HS6ST3: variants seen among roughly 807,000 people sequenced by gnomAD.
HS6ST3 encodes heparan sulfate 6-O-sulfotransferase 3.
In HS6ST3, 12 loss-of-function variants were observed where a neutral mutation model predicts 36.7. The observed-to-expected ratio is 0.33, with a 90% CI of 0.21 to 0.53. HS6ST3 has a LOEUF of 0.53. HS6ST3 is among the 20% of genes least tolerant of loss of function. HS6ST3 has a pLI of 0.95. For missense variants in HS6ST3, 584 were observed against 640.9 expected (o/e 0.91, Z 0.96); for synonymous variants, 240 against 257.5 (o/e 0.93, Z 0.65).
chr13:96,221,131 C>CT (rs1223984860), intron 1 of HS6ST3, among the ~76,000 whole-genome samples: 6 of 152,062 alleles, frequency 3.9e-5, no homozygotes, highest in South Asian at 2.1e-4. Flanking sequence ...AGAAAACCTT[C>CT]TTTTTTTAAC....
At position 96,091,254 on chromosome 13, in the gene HS6ST3, T is replaced by C; in HGVS notation, c.392T>C (p.Leu131Pro). ...PRFVPRFNFS[L>P]KDLTRFVDFN... ...TTCGTGCCGCGCTTCAACTTCAGCC[T>C]GAAGGACCTGACCCGCTTCGTGGAT... Residue 131 changes from leucine to proline, a missense_variant, in exon 1 of 2, where the codon CTG becomes CCG. By Grantham distance (98) the Leu-to-Pro change is moderately conservative. Transcript: ENST00000376705. 6.2e-7 allele frequency: 1 copy of C among 1,607,170 alleles called. No individual in the cohort carries two copies. Among genetic ancestry groups the C allele is most frequent in the Non-Finnish European group, 8.5e-7 (1 of 1,176,798 alleles).
chr13:96,126,122 C>T (rs1048460049), intron 1 of HS6ST3, among the ~76,000 whole-genome samples: 1 of 152,178 alleles, frequency 6.6e-6, no homozygotes, highest in Non-Finnish European at 1.5e-5. Flanking sequence ...AATTATACTT[C>T]TCCCAGACCT....
chr13:96,130,000 C>T (rs900182341), intron 1 of HS6ST3, among the ~76,000 whole-genome samples: 2 of 152,098 alleles, frequency 1.3e-5, no homozygotes, highest in South Asian at 4.1e-4. Context: ...AATTAGCAAA[C>T]TAGTGTAGTG....
At chr13:96,353,217 A>G (rs2139431908) in intron 1 of HS6ST3, among the ~76,000 whole-genome samples, 1 of 151,752 alleles carries the variant, frequency 6.6e-6, no homozygotes, top group South Asian at 2.1e-4. Context: ...TATTTTTAGT[A>G]CAGACAGAGT....
intron 1 of HS6ST3, among the ~76,000 whole-genome samples, chr13:96,204,297 A>C (rs2054358562): frequency 6.6e-6 from 1 of 152,188 alleles, no homozygotes; most frequent in Non-Finnish European, 1.5e-5. Context: ...AAATAAGAAG[A>C]GCTAACTATC....
intron 1 of HS6ST3, among the ~76,000 whole-genome samples, chr13:96,419,697 G>A (rs1454854915): frequency 1.3e-5 from 2 of 152,156 alleles, no homozygotes. Context: ...GTAGTGAGAA[G>A]CTTTCCTTTA....
intron 1 of HS6ST3, among the ~76,000 whole-genome samples, chr13:96,517,204 C>A (rs2056076006): frequency 8.7e-6 from 1 of 114,628 alleles, no homozygotes; most frequent in Non-Finnish European, 1.9e-5. Flanking sequence ...CATAGGGAGA[C>A]CCCTGTTCCT....
intron 1 of HS6ST3, among the ~76,000 whole-genome samples, chr13:96,481,174 A>T (rs2138898001): frequency 6.6e-6 from 1 of 152,314 alleles, no homozygotes; most frequent in Admixed American, 6.5e-5. Context: ...TGCCCCAGAC[A>T]CCAATTAAGT....
chr13:96,464,043 T>A (rs9556602), intron 1 of HS6ST3, among the ~76,000 whole-genome samples: 27 of 100,156 alleles, frequency 2.7e-4, no homozygotes, highest in East Asian at 1.9e-3. Context: ...TTTTTTTTTT[T>A]AAATAAACAC....
intron 1 of HS6ST3, among the ~76,000 whole-genome samples, chr13:96,617,212 A>C (rs1461971557): frequency 3.9e-5 from 6 of 152,222 alleles, no homozygotes; most frequent in Non-Finnish European, 7.3e-5. Flanking sequence ...AAATACATTT[A>C]AATACCTTGA....
At chr13:96,507,680 A>G (rs928553750) in intron 1 of HS6ST3, among the ~76,000 whole-genome samples, 1 of 152,072 alleles carries the variant, frequency 6.6e-6, no homozygotes, top group Non-Finnish European at 1.5e-5. Context: ...TAACATTATT[A>G]TCTCTCTAAA....
At chr13:96,297,278 T>G (rs2054859749) in intron 1 of HS6ST3, among the ~76,000 whole-genome samples, 1 of 152,154 alleles carries the variant, frequency 6.6e-6, no homozygotes, top group South Asian at 2.1e-4. Flanking sequence ...TATCTACTAG[T>G]TTTCCACAAT....
chr13:96,300,047 CTTTTTTTTTTT>C (rs11350737), intron 1 of HS6ST3, among the ~76,000 whole-genome samples: 6 of 74,522 alleles, frequency 8.1e-5, no homozygotes, highest in Admixed American at 2.9e-4. Flanking sequence ...AAGTGCTACA[CTTTTTTTTTTT>C]TTTTTTTTTT....
At chr13:96,417,582 A>G (rs956702104) in intron 1 of HS6ST3, among the ~76,000 whole-genome samples, 2 of 105,786 alleles carry the variant, frequency 1.9e-5, no homozygotes, top group African/African-American at 7.4e-5. Context: ...AAAAAATAGC[A>G]TATATATATG....
chr13:96,154,902 G>A (rs981842887), intron 1 of HS6ST3, among the ~76,000 whole-genome samples: 6 of 152,040 alleles, frequency 3.9e-5, no homozygotes, highest in Non-Finnish European at 8.8e-5. Context: ...ATTTATACCT[G>A]TAGACTCCCA....
chr13:96,306,153 T>G lies in HS6ST3; in HGVS notation c.707+214584T>G, dbSNP rs374554757. Among the ~76,000 whole-genome samples, 108 of 148,400 alleles carry G rather than the reference T, an allele frequency of 7.3e-4. 2 individuals are homozygous for G. The highest frequency in any genetic ancestry group is 2.6e-3 in the African/African-American group (103 of 39,980). On this transcript the variant is annotated intron_variant, in intron 1 of 1. Transcript: ENST00000376705. ...AGAGTCTCGTTCTGTCACCAGGCTG[T>G]AGTACAGTGGCGTGATCTCAACTCA...
chr13:96,245,913 T>TA (rs755928834), intron 1 of HS6ST3, among the ~76,000 whole-genome samples: 30 of 152,060 alleles, frequency 2.0e-4, no homozygotes, highest in Non-Finnish European at 3.2e-4. Flanking sequence ...CCTGGGATAA[T>TA]AGGGAATATA....
intron 1 of HS6ST3, among the ~76,000 whole-genome samples, chr13:96,363,671 C>T (rs1339154354): frequency 6.6e-6 from 1 of 152,028 alleles, no homozygotes; most frequent in Non-Finnish European, 1.5e-5. Flanking sequence ...CACCACAAAA[C>T]ACCCCTTCAT....
rs78957056 is a variant in HS6ST3 at position 96,381,410 on chromosome 13, G to GTATCTATCTATCTATCTATCTATCTATC, written c.707+289842_707+289869dup. 3.4e-3 allele frequency among the ~76,000 whole-genome samples: 473 copies of GTATCTATCTATCTATCTATCTATCTATC among 138,674 alleles called. 1 individual carries two copies. Among genetic ancestry groups the GTATCTATCTATCTATCTATCTATCTATC allele is most frequent in the African/African-American group, 8.5e-3 (333 of 38,956 alleles). 91.0% of individuals were successfully genotyped at this position (138,674 alleles called of 152,430 possible). On this transcript the variant is annotated intron_variant, in intron 1 of 1. Coordinates refer to ENST00000376705, the MANE Select transcript of HS6ST3 (RefSeq NM_153456.4). ...TGTATCTATGTATCTATGTATCTAT[G>GTATCTATCTATCTATCTATCTATCTATC]TATCTATCTATCTATCTATCTATCT...
Sources: gnomAD v4.1 joint callset for allele counts (sites outside exome capture counted in the v4.1 genomes callset) on GRCh38, gnomAD v4.1.1 for gene constraint, MANE v1.5 for transcripts, NCBI Gene and HGNC (gene_info 2026-07-23, HGNC 2026-07-21) for gene names.